LRRTM4: variants seen among roughly 807,000 people sequenced by gnomAD.
LRRTM4 encodes leucine-rich repeat transmembrane neuronal protein 4.
Under a neutral mutation model 47.6 loss-of-function variants are expected in LRRTM4, and 25 were observed. That is an observed-to-expected ratio of 0.53 (90% CI 0.38 to 0.73). LRRTM4 has a LOEUF of 0.73. Ranked by LOEUF, LRRTM4 falls within the 30% of genes least tolerant of loss-of-function variation. The pLI, the probability that LRRTM4 is intolerant of heterozygous loss-of-function variation, is 0.00. For synonymous variants in LRRTM4, 311 were observed against 269.5 expected (o/e 1.15, Z -1.51); for missense variants, 638 against 713.4 (o/e 0.89, Z 1.20).
intron 3 of LRRTM4, among the ~76,000 whole-genome samples, chr2:77,081,544 G>A (rs558737964): frequency 2.0e-5 from 3 of 152,032 alleles, no homozygotes; most frequent in South Asian, 2.1e-4. Context: ...ATATCTATCT[G>A]CCACTCACTC....
intron 3 of LRRTM4, among the ~76,000 whole-genome samples, chr2:76,771,633 G>C (rs1673711665): frequency 7.1e-6 from 1 of 140,958 alleles, no homozygotes; most frequent in African/African-American, 2.8e-5. Context: ...ATTCTTGCCA[G>C]GTGAACAGAA....
intron 3 of LRRTM4, among the ~76,000 whole-genome samples, chr2:77,137,909 C>A (rs921841533): frequency 6.6e-6 from 1 of 152,148 alleles, no homozygotes; most frequent in South Asian, 2.1e-4. Flanking sequence ...GGGATCAATT[C>A]AACAGGAAGA....
intron 3 of LRRTM4, among the ~76,000 whole-genome samples, chr2:76,786,278 G>A (rs1464460329): frequency 6.6e-6 from 1 of 152,004 alleles, no homozygotes. Flanking sequence ...ATCAATTTAA[G>A]TTTGAAAATG....
chr2:77,142,812 T>C (rs1281676180), intron 3 of LRRTM4, among the ~76,000 whole-genome samples: 2 of 152,212 alleles, frequency 1.3e-5, no homozygotes, highest in African/African-American at 4.8e-5. Flanking sequence ...CTCTAAAGAT[T>C]GTAATGCACG....
At chr2:77,320,066 A>C (rs1196952810) in intron 3 of LRRTM4, among the ~76,000 whole-genome samples, 2 of 152,150 alleles carry the variant, frequency 1.3e-5, no homozygotes, top group African/African-American at 4.8e-5. Context: ...AGGCTTCCCG[A>C]GTCACTCTCC....
At chr2:76,899,986 TG>T (rs1558723656) in intron 3 of LRRTM4, among the ~76,000 whole-genome samples, 1 of 152,102 alleles carries the variant, frequency 6.6e-6, no homozygotes. Flanking sequence ...CTCAGCACTT[TG>T]GGGGGCCAAA....
intron 3 of LRRTM4, among the ~76,000 whole-genome samples, chr2:77,164,682 T>C (rs1463324716): frequency 1.3e-5 from 2 of 152,180 alleles, no homozygotes; most frequent in East Asian, 1.9e-4. Flanking sequence ...CTCAACTGCA[T>C]AGAAACTGAA....
intron 3 of LRRTM4, among the ~76,000 whole-genome samples, chr2:77,400,173 C>A (rs1240639827): frequency 6.6e-6 from 1 of 151,804 alleles, no homozygotes; most frequent in African/African-American, 2.4e-5. Flanking sequence ...TTATTTTCTT[C>A]TTGAAATGCT....
At chr2:77,200,685 T>C (rs1430054346) in intron 3 of LRRTM4, among the ~76,000 whole-genome samples, 1 of 152,106 alleles carries the variant, frequency 6.6e-6, no homozygotes, top group Admixed American at 6.6e-5. Context: ...AGCTCACTGC[T>C]ACAAAGGTCA....
chr2:77,171,753 C>T (rs1673054899), intron 3 of LRRTM4, among the ~76,000 whole-genome samples: 1 of 151,786 alleles, frequency 6.6e-6, no homozygotes, highest in South Asian at 2.1e-4. Flanking sequence ...TTCAAGGCAA[C>T]TGTATTTTTT....
At chr2:76,863,428 G>A (rs1293113794) in intron 3 of LRRTM4, among the ~76,000 whole-genome samples, 1 of 152,248 alleles carries the variant, frequency 6.6e-6, no homozygotes, top group Non-Finnish European at 1.5e-5. Flanking sequence ...AGCATGGGAT[G>A]AGTATTTGAG....
intron 3 of LRRTM4, among the ~76,000 whole-genome samples, chr2:77,132,571 C>A (rs1558596528): frequency 2.6e-5 from 4 of 152,138 alleles, no homozygotes; most frequent in Non-Finnish European, 5.9e-5. Context: ...TGGTGAGGAC[C>A]CAGTCTCTGC....
At chr2:76,978,951 G>A (rs948404320) in intron 3 of LRRTM4, among the ~76,000 whole-genome samples, 2 of 151,908 alleles carry the variant, frequency 1.3e-5, no homozygotes, top group African/African-American at 2.4e-5. Flanking sequence ...ATGACGCCAG[G>A]AGACAACCTT....
intron 3 of LRRTM4, among the ~76,000 whole-genome samples, chr2:76,857,700 A>AT (rs1274662315): frequency 6.6e-6 from 1 of 152,130 alleles, no homozygotes; most frequent in Admixed American, 6.6e-5. Flanking sequence ...TGGCAACATA[A>AT]TTTTGTGTCA....
chr2:76,824,592 A>G (rs75768480), intron 3 of LRRTM4, among the ~76,000 whole-genome samples: 8,516 of 148,594 alleles, frequency 0.057, 556 homozygotes, highest in African/African-American at 0.16. Flanking sequence ...CTAGAGGAAG[A>G]GAGAATCTCA....
At chr2:77,252,513 AT>A (rs1675647534) in intron 3 of LRRTM4, among the ~76,000 whole-genome samples, 1 of 150,526 alleles carries the variant, frequency 6.6e-6, no homozygotes, top group Admixed American at 6.7e-5. Context: ...GTCTTTTTAG[AT>A]TTTAGGGCCT....
chr2:76,989,304 T>G (rs1309539838), intron 3 of LRRTM4, among the ~76,000 whole-genome samples: 1 of 151,776 alleles, frequency 6.6e-6, no homozygotes, highest in Non-Finnish European at 1.5e-5. Flanking sequence ...TTGCTACTAG[T>G]TTTCCACAAA....
At chr2:77,007,041 T>C (rs1677680008) in intron 3 of LRRTM4, among the ~76,000 whole-genome samples, 1 of 152,172 alleles carries the variant, frequency 6.6e-6, no homozygotes, top group Non-Finnish European at 1.5e-5. Context: ...GTTTTTGTTC[T>C]TTATTGTATG....
rs544457577 is a variant in LRRTM4, at chr2:76,951,492, CT to C, written c.1552-202577del. ...AGAAAAGCAGGTCACTGGACCACAT[CT>C]TTTTTTTGTTTGTTCCAAATAATAT... On this transcript the variant is annotated intron_variant, in intron 3 of 3. Coordinates refer to ENST00000409884, the MANE Select transcript of LRRTM4 (RefSeq NM_001134745.3). Among the ~76,000 whole-genome samples, 10 of 151,898 alleles carry C rather than the reference CT, an allele frequency of 6.6e-5. No homozygotes were observed. In the South Asian group the frequency reaches 1.9e-3, roughly 28 times the overall value.
Sources: gnomAD v4.1 joint callset for allele counts (sites outside exome capture counted in the v4.1 genomes callset) on GRCh38, gnomAD v4.1.1 for gene constraint, MANE v1.5 for transcripts, NCBI Gene and HGNC (gene_info 2026-07-23, HGNC 2026-07-21) for gene names.